STK3: variants seen among roughly 807,000 people sequenced by gnomAD.
The protein encoded by STK3 is serine/threonine kinase 3.
A neutral mutation model predicts 58.0 loss-of-function variants in STK3; 41 were observed. The observed-to-expected ratio is 0.71, with a 90% CI of 0.55 to 0.92. The LOEUF (loss-of-function observed/expected upper bound fraction) is 0.92, where lower values mean the gene tolerates loss of function less well. Among genes scored for constraint, STK3 ranks in the 40% least tolerant of loss-of-function variants. The pLI is 0.00. For synonymous variants in STK3, 170 were observed against 191.0 expected, an observed-to-expected ratio of 0.89 and a Z score of 0.91; for missense variants, 479 against 602.7, an observed-to-expected ratio of 0.79 and a Z score of 2.15.
chr8:98,402,406 G>C (rs762292906), intron 3 of STK3, among the ~76,000 whole-genome samples: 1 of 152,234 alleles, frequency 6.6e-6, no homozygotes, highest in Non-Finnish European at 1.5e-5. Flanking sequence ...GAGTCCAAGG[G>C]ATCGGAGCTC....
At chr8:98,373,862 T>C (rs1406820230) in intron 2 of STK3, among the ~76,000 whole-genome samples, 1 of 152,346 alleles carries the variant, frequency 6.6e-6, no homozygotes, top group Admixed American at 6.5e-5. Context: ...AACTAGTAAG[T>C]AGCAGAGATG....
intron 1 of STK3, among the ~76,000 whole-genome samples, chr8:98,936,681 C>T (rs896906862): frequency 7.2e-5 from 11 of 152,222 alleles, no homozygotes; most frequent in African/African-American, 2.7e-4. Flanking sequence ...CTCTCCTGGG[C>T]CTGGGCGGGC....
intron 1 of STK3, among the ~76,000 whole-genome samples, chr8:98,901,900 G>C (rs1838670354): frequency 6.6e-6 from 1 of 152,136 alleles, no homozygotes; most frequent in African/African-American, 2.4e-5. Context: ...GAAGACAAAG[G>C]GTCAATCCTA....
chr8:98,802,186 A>G (rs1488052536), intron 1 of STK3, among the ~76,000 whole-genome samples: 1 of 152,162 alleles, frequency 6.6e-6, no homozygotes, highest in Non-Finnish European at 1.5e-5. Context: ...AAAAATAAAA[A>G]AGGAAAAAAT....
chr8:98,759,434 T>C (rs1277310926), intron 3 of STK3, among the ~76,000 whole-genome samples: 2 of 152,164 alleles, frequency 1.3e-5, no homozygotes, highest in East Asian at 3.9e-4. Context: ...AAAGGTGCAG[T>C]TCGTGGCACC....
At chr8:98,824,635 T>C (rs1459678546) in intron 1 of STK3, among the ~76,000 whole-genome samples, 4 of 152,162 alleles carry the variant, frequency 2.6e-5, no homozygotes, top group Non-Finnish European at 5.9e-5. Flanking sequence ...AACAGATGGC[T>C]TCCAGGCTTC....
chr8:98,430,440 C>T (rs1251117363), intron 3 of STK3: 2 of 167,060 alleles, frequency 1.2e-5, no homozygotes, highest in East Asian at 3.8e-4. Context: ...CTGAGGTGAA[C>T]GTTGTTGGGT....
intron 10 of STK3, among the ~76,000 whole-genome samples, chr8:98,526,225 A>ACAC (rs1195537894): frequency 1.3e-5 from 2 of 151,980 alleles, no homozygotes; most frequent in African/African-American, 4.8e-5. Context: ...AATAGGTGAT[A>ACAC]AGGCAGTTTT....
chr8:98,688,182 T>C (rs1201914451), intron 6 of STK3, among the ~76,000 whole-genome samples: 6 of 152,310 alleles, frequency 3.9e-5, no homozygotes, highest in African/African-American at 1.4e-4. Context: ...AAGAGCATTA[T>C]ATAATTTTTA....
chr8:98,595,033 C>T (rs1357235607), intron 7 of STK3: 1 of 152,204 alleles, frequency 6.6e-6, no homozygotes, highest in Non-Finnish European at 1.5e-5. Context: ...CAATCTTTTA[C>T]AATTTCAATG....
intron 10 of STK3, among the ~76,000 whole-genome samples, chr8:98,487,315 T>C (rs977604271): frequency 6.6e-6 from 1 of 152,222 alleles, no homozygotes; most frequent in Non-Finnish European, 1.5e-5. Flanking sequence ...GGGACTATGT[T>C]GTGTTACTCA....
chr8:98,500,176 A>C (rs1459013861), intron 10 of STK3, among the ~76,000 whole-genome samples: 2 of 684 alleles, frequency 2.9e-3, no homozygotes, highest in East Asian at 8.2e-3. Flanking sequence ...CATGTGACCA[A>C]AAAAAAAGAA....
chr8:98,935,243 TAA>T (rs1344389720), intron 1 of STK3, among the ~76,000 whole-genome samples: 1 of 152,206 alleles, frequency 6.6e-6, no homozygotes, highest in African/African-American at 2.4e-5. Flanking sequence ...GACCATAAAG[TAA>T]GAGTCATGGC....
chr8:98,774,705 A>G (rs752851063), intron 2 of STK3, 34 bp downstream of exon 2: 1 of 1,426,386 alleles, frequency 7.0e-7, no homozygotes, highest in South Asian at 1.3e-5. Flanking sequence ...TTGTTCTGAA[A>G]TTATTTACAT....
intron 9 of STK3, among the ~76,000 whole-genome samples, chr8:98,530,444 A>G (rs914169570): frequency 2.0e-5 from 3 of 152,184 alleles, no homozygotes; most frequent in African/African-American, 7.2e-5. Flanking sequence ...TAGGAGTGAC[A>G]TCAGAAAGAT....
intron 3 of STK3, among the ~76,000 whole-genome samples, chr8:98,861,546 C>G (rs1179263692): frequency 2.0e-5 from 3 of 151,792 alleles, no homozygotes; most frequent in African/African-American, 7.3e-5. Context: ...CGGGGTTTCA[C>G]AGTGTTGCCC....
At chr8:98,371,562 A>T (rs1418382853) in exon 3 of STK3, 1 of 152,252 alleles carries the variant, frequency 6.6e-6, no homozygotes, top group African/African-American at 2.4e-5. Context: ...CAGCAGCAGG[A>T]ATGTCACTCT....
chr8:98,504,789 G>T (rs1823919563), intron 10 of STK3, among the ~76,000 whole-genome samples: 1 of 152,176 alleles, frequency 6.6e-6, no homozygotes, highest in Non-Finnish European at 1.5e-5. Context: ...CCCTTTGTGG[G>T]TAACTCGATC....
upstream of STK3, among the ~76,000 whole-genome samples, chr8:98,825,970 C>A (rs532828267): frequency 6.7e-6 from 1 of 148,472 alleles, no homozygotes; most frequent in Non-Finnish European, 1.5e-5. Flanking sequence ...CCTGGGTTGG[C>A]GGGCGGGGCC....
Sources: allele counts gnomAD v4.1 joint callset (sites outside exome capture counted in the v4.1 genomes callset), GRCh38; gene constraint gnomAD v4.1.1; transcripts MANE v1.5; gene names NCBI Gene and HGNC (gene_info 2026-07-23, HGNC 2026-07-21).